The following TMEM161A variants were observed in gnomAD, a reference collection of about 807,000 sequenced individuals.
TMEM161A encodes adaptive response to oxidative stress protein 29.
TMEM161A carries 46 observed loss-of-function variants against 57.1 expected under a neutral mutation model. The ratio of observed to expected loss-of-function variants is 0.81; its 90% CI spans 0.64 to 1.03. The LOEUF (loss-of-function observed/expected upper bound fraction) is 1.03, where lower values mean the gene tolerates loss of function less well. TMEM161A is among the 50% of genes least tolerant of loss of function. TMEM161A has a pLI of 0.00. For synonymous variants in TMEM161A, 288 were observed against 279.0 expected, an observed-to-expected ratio of 1.03 and a Z score of -0.32; for missense variants, 601 against 621.5, an observed-to-expected ratio of 0.97 and a Z score of 0.35.
At position 19,132,684 on chromosome 19, in the gene TMEM161A, A is replaced by G; in HGVS notation, c.259T>C (p.Cys87Arg). 6.3e-7 allele frequency: 1 copy of G among 1,579,352 alleles called. No individual in the cohort carries two copies. The highest frequency in any genetic ancestry group is 8.6e-7 in the Non-Finnish European group (1 of 1,161,910). ...PRDAPFQLET[C>R]PLTTVDALVL... ...AGGGCATCCACGGTCGTGAGGGGGC[A>G]GGTCTCCAGCTGGAACGGGGCATCT... Residue 87 changes from cysteine (C) to arginine (R), a missense_variant, in exon 4 of 12, where the codon TGC (cysteine) becomes CGC (arginine). Coordinates refer to ENST00000162044, the MANE Select transcript of TMEM161A (RefSeq NM_017814.3). The surrounding 1 kb of genome is among the most constrained non-coding windows in gnomAD (Gnocchi z 4.3).
chr19:19,119,746 A>C lies in TMEM161A; in HGVS notation c.*184T>G. On this transcript the variant is annotated 3_prime_UTR_variant, in exon 12 of 12. Transcript: ENST00000162044. ...CCTCATGCTGCTGGGCCCAGGAGAG[A>C]CAGTTCTGAGGCAGAAACTCGGCGT... 1 of 703,418 alleles carries C rather than the reference A, an allele frequency of 1.4e-6. No individual in the cohort carries two copies. The highest frequency in any genetic ancestry group is 2.3e-6 in the Non-Finnish European group (1 of 431,748). The allele number at this position is 703,418 out of a possible 1,614,324, so 43.6% of individuals were successfully genotyped here.
intron 2 of TMEM161A, 57 bp downstream of exon 2, chr19:19,134,727 G>T: frequency 7.6e-7 from 1 of 1,309,134 alleles, no homozygotes; most frequent in Non-Finnish European, 1.1e-6. Context: ...CGGGGCGTGG[G>T]GAGCCAGAAG....
intron 6 of TMEM161A, among the ~76,000 whole-genome samples, chr19:19,125,362 A>G (rs1297205219): frequency 6.6e-6 from 1 of 152,032 alleles, no homozygotes; most frequent in Non-Finnish European, 1.5e-5. Flanking sequence ...TTATTTATTG[A>G]TTTTTAAGAT....
chr19:19,128,792 C>T (rs2059943914), intron 6 of TMEM161A, among the ~76,000 whole-genome samples: 1 of 152,122 alleles, frequency 6.6e-6, no homozygotes, highest in South Asian at 2.1e-4. Flanking sequence ...CTTGCCTGAG[C>T]CTCCCAAAGT....
intron 1 of TMEM161A, among the ~76,000 whole-genome samples, chr19:19,137,555 T>TA (rs2059990260): frequency 6.6e-6 from 1 of 152,208 alleles, no homozygotes; most frequent in African/African-American, 2.4e-5. Flanking sequence ...AGAACCCTGA[T>TA]AAAATCAATG....
At chr19:19,127,693 G>A (rs1423108390) in intron 6 of TMEM161A, among the ~76,000 whole-genome samples, 1 of 151,978 alleles carries the variant, frequency 6.6e-6, no homozygotes, top group East Asian at 1.9e-4. Context: ...ACGTTGGGAG[G>A]CGGAGGTGAG....
At chr19:19,134,921 C>G (rs2059978233) in intron 1 of TMEM161A, 34 bp from the exon 2 acceptor site, 3 of 1,461,128 alleles carry the variant, frequency 2.1e-6, no homozygotes, top group Non-Finnish European at 2.8e-6. Flanking sequence ...CAGCACCTGC[C>G]AGAGGGTCAC....
chr19:19,120,093 T>C lies in TMEM161A; in HGVS notation c.1277A>G (p.Glu426Gly). The C allele has an allele frequency of 6.3e-7, 1 of 1,582,540 alleles. No homozygotes were observed. Among genetic ancestry groups the C allele is most frequent in the Non-Finnish European group, 8.6e-7 (1 of 1,164,872 alleles). ...AATCCGCGCTGCAGTCTGCTGGACTTCGTCCTCCCCAGAGCCGATGGGGGC... is the reference window on the plus strand; with the variant it reads ...AATCCGCGCTGCAGTCTGCTGGACTCCGTCCTCCCCAGAGCCGATGGGGGC... ...SAAPIGSGED[E>G]VQQTAARIAG... Residue 426 changes from glutamate (E) to glycine (G), a missense_variant, in exon 12 of 12, where the codon GAA becomes GGA. Physicochemically the swap from Glu to Gly is moderately conservative, Grantham distance 98. Coordinates refer to ENST00000162044, the MANE Select transcript of TMEM161A (RefSeq NM_017814.3).
chr19:19,134,734 G>T, intron 2 of TMEM161A, 50 bp downstream of exon 2: 2 of 1,390,088 alleles, frequency 1.4e-6, no homozygotes, highest in Non-Finnish European at 2.0e-6. Context: ...TGGGGAGCCA[G>T]AAGGGGGCGT....
chr19:19,129,618 A>C (rs992441038), intron 6 of TMEM161A, among the ~76,000 whole-genome samples: 2 of 152,142 alleles, frequency 1.3e-5, no homozygotes, highest in African/African-American at 4.8e-5. Flanking sequence ...TAAAAAAATG[A>C]AAAAAGAGGC....
chr19:19,120,679 C>CA lies in TMEM161A; in HGVS notation c.1186+85dup. On this transcript the variant is annotated intron_variant, in intron 11 of 11. Coordinates refer to ENST00000162044, the MANE Select transcript of TMEM161A (RefSeq NM_017814.3). ...TGCCTAGGCCCCGCCTCTCCCCCCC[C>CA]ACCGCGGTCCCCGCCAGAGTCCACC... 2.3e-6 allele frequency: 3 copies of CA among 1,282,614 alleles called. No homozygotes were observed. In the South Asian group the frequency reaches 3.7e-5, roughly 16 times the overall value. 79.5% of individuals were successfully genotyped at this position (1,282,614 alleles called of 1,614,324 possible).
Position 19,132,286 on chromosome 19 carries a change from G to A in TMEM161A, c.443+66C>T. The A allele has an allele frequency of 2.0e-6, 3 of 1,536,902 alleles. No homozygotes were observed. The highest frequency in any genetic ancestry group is 2.6e-6 in the Non-Finnish European group (3 of 1,140,624). On this transcript the variant is annotated intron_variant, in intron 5 of 11. Coordinates refer to ENST00000162044, the MANE Select transcript of TMEM161A (RefSeq NM_017814.3). The surrounding 1 kb of genome is among the most constrained non-coding windows in gnomAD (Gnocchi z 4.3). ...GTGAAAACTGCCACACCAGTTTAGG[G>A]GAGCCAGGGAAGCTCAGGTCCTGCT...
intron 2 of TMEM161A, among the ~76,000 whole-genome samples, chr19:19,133,769 G>C (rs2059970943): frequency 6.6e-6 from 1 of 152,012 alleles, no homozygotes; most frequent in Non-Finnish European, 1.5e-5. Context: ...ACCTCGCCCG[G>C]CCTTTGTTTT....
chr19:19,121,313 G>T lies in TMEM161A; in HGVS notation c.909C>A (p.Phe303Leu). ...LHQPPFGETR[F>L]SLLSDSAFDS... ...TAGCCCCACCCAATACGCACAGGGA[G>T]AAACGCGTCTCCCCAAACGGCGGCT... Residue 303 changes from phenylalanine to leucine, a missense_variant, in exon 9 of 12, where the codon TTC becomes TTA. Transcript: ENST00000162044. This position sits in a 1 kb window ranked among gnomAD's most constrained non-coding sequence, Gnocchi z 5.8. 1 of 1,563,198 alleles carries T rather than the reference G, an allele frequency of 6.4e-7. No homozygotes were observed. Among genetic ancestry groups the T allele is most frequent in the Non-Finnish European group, 8.7e-7 (1 of 1,153,754 alleles).
At chr19:19,137,821 G>A (rs889869453) in intron 1 of TMEM161A, among the ~76,000 whole-genome samples, 1 of 152,174 alleles carries the variant, frequency 6.6e-6, no homozygotes, top group African/African-American at 2.4e-5. Context: ...CCCAGGGGCT[G>A]GGCTAAGTTT....
intron 6 of TMEM161A, among the ~76,000 whole-genome samples, chr19:19,128,292 C>T (rs2059941238): frequency 7.1e-6 from 1 of 141,692 alleles, no homozygotes; most frequent in Non-Finnish European, 1.5e-5. Flanking sequence ...AGTGCAGTGG[C>T]GCGATCTCAG....
In TMEM161A at chr19:19,130,139, TTGG is replaced by T. The variant is rs764179362; in HGVS notation, c.595+14_595+16del. 6.2e-7 allele frequency: 1 copy of T among 1,611,740 alleles called. No homozygotes were observed. The highest frequency in any genetic ancestry group is 8.5e-7 in the Non-Finnish European group (1 of 1,179,866). ...GAGTGACAGCTGCGGTGGCCCCACG[TTGG>T]GGGCTGCACTTACCAGGCTCCAGGC... On this transcript the variant is annotated intron_variant, in intron 6 of 11. Transcript: ENST00000162044.
At chr19:19,123,101 C>T (rs1353686857) in intron 6 of TMEM161A, among the ~76,000 whole-genome samples, 1 of 152,138 alleles carries the variant, frequency 6.6e-6, no homozygotes, top group Non-Finnish European at 1.5e-5. Context: ...AAGTGATGAA[C>T]TGGAAGACAG....
Position 19,134,842 on chromosome 19 carries a change from G to T in TMEM161A, c.49C>A (p.Leu17Ile). The change falls in exon 2 of 12, where the codon CTC becomes ATC. Residue 17 changes from leucine (L) to isoleucine (I), a missense_variant. Coordinates refer to ENST00000162044, the MANE Select transcript of TMEM161A (RefSeq NM_017814.3). ...CAGTGTGGCGCCAGCCTGTGCATGAGGGTGGCAGTGAGCAGGGTCACCACC... is the reference window on the plus strand; with the variant it reads ...CAGTGTGGCGCCAGCCTGTGCATGATGGTGGCAGTGAGCAGGGTCACCACC... ...QLVVTLLTAT[L>I]MHRLAPHCSF... 1 of 1,599,444 alleles carries T rather than the reference G, an allele frequency of 6.3e-7. No individual in the cohort carries two copies. Among genetic ancestry groups the T allele is most frequent in the East Asian group, 2.3e-5 (1 of 43,930 alleles).
Sources: allele counts gnomAD v4.1 joint callset (sites outside exome capture counted in the v4.1 genomes callset), GRCh38; gene constraint gnomAD v4.1.1; non-coding constraint Gnocchi (gnomAD v3.1); transcripts MANE v1.5; gene names NCBI Gene and HGNC (gene_info 2026-07-23, HGNC 2026-07-21).